Variants in SCLT1 observed in about 807,000 individuals in gnomAD.
SCLT1 encodes sodium channel-associated protein 1.
In SCLT1, 78 loss-of-function variants were observed where a neutral mutation model predicts 112.8. The observed-to-expected ratio is 0.69, with a 90% CI of 0.58 to 0.83. SCLT1 has a LOEUF of 0.83. SCLT1 is among the 40% of genes least tolerant of loss of function. SCLT1 has a pLI of 0.00. For missense variants in SCLT1, 747 were observed against 770.4 expected (o/e 0.97, Z 0.36); for synonymous variants, 257 against 254.7 (o/e 1.01, Z -0.09).
Position 128,942,903 on chromosome 4 carries a change from A to G in SCLT1, c.1632+93T>C, listed in dbSNP as rs184237052. The G allele has an allele frequency of 1.8e-3, 1,516 of 838,078 alleles. 10 individuals carry two copies. The African/African-American group carries it at 0.023, about 13-fold the overall frequency. 51.9% of individuals were successfully genotyped at this position (838,078 alleles called of 1,614,324 possible). On this transcript the variant is annotated intron_variant, in intron 17 of 20. Coordinates refer to ENST00000281142, the MANE Select transcript of SCLT1 (RefSeq NM_144643.4). ...CTATCTGATGAGAAGGCAAAAAAAA[A>G]GGGGGCCTTAAAGATGTTTTGCTAG...
chr4:129,058,939 T>C (rs980625126), intron 2 of SCLT1, among the ~76,000 whole-genome samples: 2 of 152,142 alleles, frequency 1.3e-5, no homozygotes, highest in Non-Finnish European at 2.9e-5. Flanking sequence ...TGGGTGTATA[T>C]ATATTTAAAA....
intron 1 of SCLT1, among the ~76,000 whole-genome samples, chr4:129,088,933 A>G (rs1177621319): frequency 6.6e-6 from 1 of 152,252 alleles, no homozygotes; most frequent in Non-Finnish European, 1.5e-5. Flanking sequence ...CATTCAGGAC[A>G]CAGGCATGGG....
chr4:129,001,472 G>T (rs1743479892), intron 6 of SCLT1, among the ~76,000 whole-genome samples: 1 of 151,900 alleles, frequency 6.6e-6, no homozygotes, highest in Non-Finnish European at 1.5e-5. Context: ...CCATATTTAA[G>T]ATTTTTAAAC....
chr4:128,955,491 G>A (rs758333590), intron 13 of SCLT1, among the ~76,000 whole-genome samples: 23 of 152,158 alleles, frequency 1.5e-4, no homozygotes, highest in Admixed American at 5.2e-4. Flanking sequence ...AATAAGCCAC[G>A]TCATATTTTT....
intron 5 of SCLT1, among the ~76,000 whole-genome samples, chr4:129,030,621 A>C (rs1053966833): frequency 2.6e-5 from 4 of 152,128 alleles, no homozygotes; most frequent in African/African-American, 9.6e-5. Context: ...AAAAAATGAT[A>C]ATGGGGATAT....
intron 14 of SCLT1, among the ~76,000 whole-genome samples, chr4:128,950,620 C>A (rs1393579520): frequency 6.6e-6 from 1 of 151,988 alleles, no homozygotes; most frequent in East Asian, 1.9e-4. Flanking sequence ...AAAGAAGTCT[C>A]AATACATATT....
At chr4:128,951,771 AC>A (rs753161901) in intron 14 of SCLT1, among the ~76,000 whole-genome samples, 3 of 152,106 alleles carry the variant, frequency 2.0e-5, no homozygotes, top group Non-Finnish European at 4.4e-5. Flanking sequence ...ATTGCATCTC[AC>A]TAATTTTACT....
intron 11 of SCLT1, among the ~76,000 whole-genome samples, chr4:128,963,232 T>C (rs1739891732): frequency 6.6e-6 from 1 of 152,198 alleles, no homozygotes; most frequent in African/African-American, 2.4e-5. Flanking sequence ...TCAGACTTCA[T>C]TTAAGTTTTT....
intron 5 of SCLT1, among the ~76,000 whole-genome samples, chr4:129,010,189 T>A (rs1029210374): frequency 4.6e-5 from 7 of 152,200 alleles, no homozygotes; most frequent in Non-Finnish European, 1.0e-4. Flanking sequence ...CTTTCCCCAT[T>A]GCTTGAGTTA....
Position 128,936,668 on chromosome 4 carries a change from T to C in SCLT1, c.1816A>G (p.Ile606Val). The C allele has an allele frequency of 1.3e-6, 2 of 1,593,062 alleles. No homozygotes were observed. The highest frequency in any genetic ancestry group is 1.7e-6 in the Non-Finnish European group (2 of 1,171,178). Residue 606 changes from isoleucine (I) to valine (V), a missense_variant, in exon 18 of 21, where the codon ATC becomes GTC. Physicochemically the swap from Ile to Val is conservative, Grantham distance 29. This residue lies in a region of SCLT1 where 723 missense variants were observed against 721.3 expected (regional missense o/e 1.00). Transcript: ENST00000281142. ...CAGTAGACTTACTTTAGATTATTGA[T>C]TCTAATTTCTGCACTTTCAGTAAGT... ...KKLTESAEIR[I>V]NNLKSELSRQ...
At chr4:128,895,542 C>A (rs1332916113) in intron 18 of SCLT1, among the ~76,000 whole-genome samples, 1 of 152,088 alleles carries the variant, frequency 6.6e-6, no homozygotes, top group Non-Finnish European at 1.5e-5. Flanking sequence ...TTTAAGACTG[C>A]ACCCTTGGTG....
At chr4:129,067,445 T>C (rs2125744981) in intron 2 of SCLT1, among the ~76,000 whole-genome samples, 1 of 151,900 alleles carries the variant, frequency 6.6e-6, no homozygotes, top group South Asian at 2.1e-4. Flanking sequence ...TCTAGTAGCC[T>C]ACATAATTTC....
At chr4:128,886,537 T>G (rs1732908579) in intron 20 of SCLT1, among the ~76,000 whole-genome samples, 2 of 152,176 alleles carry the variant, frequency 1.3e-5, no homozygotes, top group Admixed American at 6.6e-5. Flanking sequence ...TGGACTCATT[T>G]AAAACAGAAA....
In SCLT1 at chr4:128,984,859, T is replaced by G. The variant is rs142644710; in HGVS notation, c.686+7308A>C. Among the ~76,000 whole-genome samples the G allele has an allele frequency of 1.7e-3, 259 of 152,220 alleles. 1 individual carries two copies. The highest frequency in any genetic ancestry group is 5.0e-3 in the African/African-American group (208 of 41,554). On this transcript the variant is annotated intron_variant, in intron 9 of 20. Coordinates refer to ENST00000281142, the MANE Select transcript of SCLT1 (RefSeq NM_144643.4). ...CTCATTCCCAATCCCTTTCTCATTC[T>G]CCTCCATTTCATAAGTTCATACTAA...
At chr4:129,040,844 AT>A (rs1177796363) in intron 4 of SCLT1, among the ~76,000 whole-genome samples, 2 of 151,448 alleles carry the variant, frequency 1.3e-5, no homozygotes, top group South Asian at 4.2e-4. Context: ...AGCTGTCAAC[AT>A]TTTTTTTTCT....
intron 18 of SCLT1, among the ~76,000 whole-genome samples, chr4:128,930,245 T>C (rs1377930780): frequency 1.3e-5 from 2 of 152,176 alleles, no homozygotes; most frequent in Non-Finnish European, 2.9e-5. Context: ...CAAACTTCTC[T>C]GTGGAAAGGT....
At chr4:129,084,411 A>C (rs1240127471) in intron 1 of SCLT1, among the ~76,000 whole-genome samples, 1 of 142,306 alleles carries the variant, frequency 7.0e-6, no homozygotes, top group Non-Finnish European at 1.5e-5. Context: ...AAAACAGTAA[A>C]AGATGCTATT....
chr4:129,052,457 GTGTA>G (rs1409756760), intron 2 of SCLT1, among the ~76,000 whole-genome samples: 1 of 151,994 alleles, frequency 6.6e-6, no homozygotes, highest in African/African-American at 2.4e-5. Context: ...TCTTGGGAGG[GTGTA>G]TGTGTTCAGG....
At chr4:129,009,246 T>A (rs2126100217) in intron 5 of SCLT1, among the ~76,000 whole-genome samples, 1 of 152,250 alleles carries the variant, frequency 6.6e-6, no homozygotes, top group African/African-American at 2.4e-5. Context: ...CCGGGCGCGG[T>A]GGCTCACGCC....
Sources: gnomAD v4.1 joint callset for allele counts (sites outside exome capture counted in the v4.1 genomes callset) on GRCh38, gnomAD v4.1.1 for gene constraint, gnomAD v4.1.1 regional missense constraint, MANE v1.5 for transcripts, NCBI Gene and HGNC (gene_info 2026-07-23, HGNC 2026-07-21) for gene names.